The following EBI3 variants were observed in gnomAD, a reference collection of about 807,000 sequenced individuals.
EBI3 encodes interleukin-27 subunit beta.
In EBI3, 19 loss-of-function variants were observed where a neutral mutation model predicts 21.3. The observed-to-expected ratio is 0.89, with a 90% CI of 0.62 to 1.31. The LOEUF is 1.31. Ranked by LOEUF, EBI3 falls within the 50% of genes most tolerant of loss-of-function variation. The probability of loss-of-function intolerance (pLI) is 0.00; values close to 1 mark genes in which losing one functional copy is unlikely to be tolerated. For synonymous variants in EBI3, 154 were observed against 131.2 expected, an observed-to-expected ratio of 1.17 and a Z score of -1.19; for missense variants, 331 against 314.0, an observed-to-expected ratio of 1.05 and a Z score of -0.41.
In EBI3 at chr19:4,233,197, C is replaced by T. The variant is rs777057107; in HGVS notation, c.269C>T (p.Thr90Ile). 3.7e-6 allele frequency: 6 copies of T among 1,612,074 alleles called. No homozygotes were observed. The highest frequency in any genetic ancestry group is 4.2e-6 in the Non-Finnish European group (5 of 1,179,898). ...LQQTPTSTSC[T>I]ITDVQLFSMA... ...CAGACGCCAACGTCCACCAGCTGCA[C>T]CATCACGGATGTCCAGCTGTTCTCC... The change falls in exon 3 of 5, where the codon ACC becomes ATC. Residue 90 changes from threonine to isoleucine, a missense_variant. Coordinates refer to ENST00000221847, the MANE Select transcript of EBI3 (RefSeq NM_005755.3).
chr19:4,229,748 TTGTACAGA>T, intron 1 of EBI3, 131 bp downstream of exon 1: 1 of 929,190 alleles, frequency 1.1e-6, no homozygotes, highest in South Asian at 1.7e-5. Flanking sequence ...TACCCTCCCA[TTGTACAGA>T]TGGAGGAACT....
chr19:4,234,838 G>T lies in EBI3; in HGVS notation c.537+14G>T. ...CGCTTCCACCGGGTGAGGAGGATGA[G>T]GGGGAGGCTGGAAAGGGTGGTGCCT... On this transcript the variant is annotated intron_variant, in intron 4 of 4. Transcript: ENST00000221847. 1 of 1,612,312 alleles carries T rather than the reference G, an allele frequency of 6.2e-7. No homozygotes were observed.
At position 4,236,945 on chromosome 19, in the gene EBI3, A is replaced by G; in HGVS notation, c.547A>G (p.Ile183Val). The change falls in exon 5 of 5, where the codon ATT (isoleucine) becomes GTT (valine). Residue 183 changes from isoleucine (I) to valine (V), a missense_variant. Physicochemically the swap from Ile to Val is conservative, Grantham distance 29. Transcript: ENST00000221847. ...CTCTCTCTTCTCTCAGGTGGGGCCC[A>G]TTGAAGCCACGTCCTTCATCCTCAG... Reference protein sequence around the residue: ...GAARFHRVGPIEATSFILRAV... With the variant: ...GAARFHRVGPVEATSFILRAV... 2.0e-6 allele frequency: 3 copies of G among 1,505,352 alleles called. No homozygotes were observed. Among genetic ancestry groups the G allele is most frequent in the Non-Finnish European group, 2.7e-6 (3 of 1,122,854 alleles). 93.2% of individuals were successfully genotyped at this position (1,505,352 alleles called of 1,614,324 possible). A position where few individuals can be genotyped will look rare whatever the true frequency, so the allele number is the denominator to read the frequency against.
At chr19:4,235,583 T>C (rs943262776) in intron 4 of EBI3, among the ~76,000 whole-genome samples, 4 of 152,182 alleles carry the variant, frequency 2.6e-5, no homozygotes, top group Non-Finnish European at 5.9e-5. Flanking sequence ...TCCCAAAGTG[T>C]TGGGACTACA....
chr19:4,233,012 A>C, intron 2 of EBI3, 117 bp from the exon 3 acceptor site: 1 of 1,234,410 alleles, frequency 8.1e-7, no homozygotes, highest in Non-Finnish European at 1.1e-6. Context: ...CGGGATCCCC[A>C]TCCGCTGCCC....
intron 1 of EBI3, among the ~76,000 whole-genome samples, chr19:4,230,549 G>C (rs2144673951): frequency 6.6e-6 from 1 of 151,974 alleles, no homozygotes; most frequent in Non-Finnish European, 1.5e-5. Context: ...TCCAGCCTAG[G>C]TGACAGAGTG....
intron 1 of EBI3, among the ~76,000 whole-genome samples, chr19:4,230,277 G>T (rs897646178): frequency 6.6e-6 from 1 of 152,152 alleles, no homozygotes; most frequent in South Asian, 2.1e-4. Flanking sequence ...AAGACAAAAT[G>T]GTTACAGCAG....
At chr19:4,233,873 C>T (rs1453396412) in intron 3 of EBI3, among the ~76,000 whole-genome samples, 1 of 152,184 alleles carries the variant, frequency 6.6e-6, no homozygotes, top group Non-Finnish European at 1.5e-5. Flanking sequence ...GCATACATCA[C>T]CTCCTCAGTA....
At chr19:4,231,974 C>T (rs1369194919) in intron 2 of EBI3, among the ~76,000 whole-genome samples, 1 of 151,638 alleles carries the variant, frequency 6.6e-6, no homozygotes, top group Non-Finnish European at 1.5e-5. Flanking sequence ...CGCCTGTAAT[C>T]CCAGCACTTT....
At chr19:4,234,893 G>A (rs1970823681) in intron 4 of EBI3, 69 bp downstream of exon 4, 2 of 1,584,854 alleles carry the variant, frequency 1.3e-6, no homozygotes, top group East Asian at 2.2e-5. Context: ...ACCAAGACTA[G>A]CAGGTGTGCT....
At position 4,234,714 on chromosome 19, in the gene EBI3, C is replaced by T. The variant is rs747225878; in HGVS notation, c.427C>T (p.Arg143Cys). 5.0e-6 allele frequency: 8 copies of T among 1,614,146 alleles called. No individual in the cohort carries two copies. Among genetic ancestry groups the T allele is most frequent in the South Asian group, 1.1e-5 (1 of 91,084 alleles). ...EGVRLSPLAE[R>C]QLQVQWEPPG... The stretch of plus-strand genomic sequence containing the variant: ...CGTGCGCCTAAGCCCCCTCGCTGAG[C>T]GCCAGCTACAGGTGCAGTGGGAGCC... Residue 143 changes from arginine (R) to cysteine (C), a missense_variant, in exon 4 of 5, where the codon CGC (arginine) becomes TGC (cysteine). Transcript: ENST00000221847.
rs1278276869 is a variant in EBI3, at chr19:4,233,193, T to C, written c.265T>C (p.Cys89Arg). ...GCAGCAGACGCCAACGTCCACCAGC[T>C]GCACCATCACGGATGTCCAGCTGTT... ...CLQQTPTSTSCTITDVQLFSM... is the reference protein window; with the variant it reads ...CLQQTPTSTSRTITDVQLFSM... Residue 89 changes from cysteine (C) to arginine (R), a missense_variant, in exon 3 of 5, where the codon TGC (cysteine) becomes CGC (arginine). Cys to Arg is a radical substitution (Grantham distance 180). Transcript: ENST00000221847. The C allele has an allele frequency of 1.9e-6, 3 of 1,611,774 alleles. No homozygotes were observed.
intron 2 of EBI3, 25 bp from the exon 3 acceptor site, chr19:4,233,104 G>C: frequency 6.5e-7 from 1 of 1,543,822 alleles, no homozygotes; most frequent in Non-Finnish European, 8.7e-7. Flanking sequence ...TCCCTGAGGC[G>C]CTCAGCGAGC....
intron 4 of EBI3, among the ~76,000 whole-genome samples, chr19:4,236,647 C>A (rs1970841011): frequency 6.6e-6 from 1 of 150,590 alleles, no homozygotes; most frequent in South Asian, 2.1e-4. Context: ...TTATAGGGAT[C>A]AGGGATGTCC....
intron 2 of EBI3, among the ~76,000 whole-genome samples, chr19:4,232,787 TGAAGGAATGAATTAATGAATGAA>T (rs1568355538): frequency 2.2e-5 from 3 of 134,444 alleles, no homozygotes; most frequent in African/African-American, 1.1e-4. Context: ...AATGAATGAA[TGAAGGAATGAATTAATGAATGAA>T]TGAACGGATG....
chr19:4,233,235 G>A lies in EBI3; in HGVS notation c.307G>A (p.Val103Met), dbSNP rs528605740. ...CCAGCTGTTCTCCATGGCTCCCTAC[G>A]TGCTCAATGTCACCGCCGTCCACCC... The part of the protein sequence containing the change: ...DVQLFSMAPY[V>M]LNVTAVHPWG... The change falls in exon 3 of 5, where the codon GTG (valine) becomes ATG (methionine). Residue 103 changes from valine to methionine, a missense_variant. Transcript: ENST00000221847. 4 of 1,612,030 alleles carry A rather than the reference G, an allele frequency of 2.5e-6. No homozygotes were observed. The highest frequency in any genetic ancestry group is 2.2e-5 in the East Asian group (1 of 44,748).
rs201528061 is a variant in EBI3 at position 4,233,331 on chromosome 19, C to T, written c.379+24C>T. The T allele has an allele frequency of 2.1e-3, 1,043 of 493,116 alleles. 8 individuals carry two copies. The highest frequency in any genetic ancestry group is 0.014 in the African/African-American group (670 of 49,014). 30.5% of individuals were successfully genotyped at this position (493,116 alleles called of 1,614,324 possible). On this transcript the variant is annotated intron_variant, in intron 3 of 4. Coordinates refer to ENST00000221847, the MANE Select transcript of EBI3 (RefSeq NM_005755.3). Reference sequence around the variant, plus strand: ...CAGTGAGTGGGGGCGGCAGTGGGGGCGGGGGCGGGGCTGCCGTCTCCTTCC... The same window carrying T: ...CAGTGAGTGGGGGCGGCAGTGGGGGTGGGGGCGGGGCTGCCGTCTCCTTCC...
rs570696642 is a variant in EBI3 at position 4,230,825 on chromosome 19, C to T, written c.68-366C>T. On this transcript the variant is annotated intron_variant, in intron 1 of 4. Transcript: ENST00000221847. ...CCGGGAGGCGGGGGTGGCAGTGAGC[C>T]GAGATCTCGCCACTGCACTCCAGCC... Among the ~76,000 whole-genome samples, 12 of 151,388 alleles carry T rather than the reference C, an allele frequency of 7.9e-5. No homozygotes were observed. In the South Asian group the frequency reaches 1.0e-3, roughly 13 times the overall value.
In EBI3 at chr19:4,237,076, C is replaced by T; in HGVS notation, c.678C>T (p.Ser226=). Residue 226 remains serine (S), a synonymous_variant, in exon 5 of 5, where the codon AGC becomes AGT. Coordinates refer to ENST00000221847, the MANE Select transcript of EBI3 (RefSeq NM_005755.3). ...DWSLPATATM[S]LGK ...GTCTCCCCGCCACTGCCACAATGAG[C>T]CTGGGCAAGTAGCAAGGGCTTCCCG... is the stretch of plus-strand genomic sequence containing the variant. 2 of 1,534,074 alleles carry T rather than the reference C, an allele frequency of 1.3e-6. No homozygotes were observed. Among genetic ancestry groups the T allele is most frequent in the Non-Finnish European group, 1.8e-6 (2 of 1,135,684 alleles).
Sources: allele counts gnomAD v4.1 joint callset (sites outside exome capture counted in the v4.1 genomes callset), GRCh38; gene constraint gnomAD v4.1.1; transcripts MANE v1.5; gene names NCBI Gene and HGNC (gene_info 2026-07-23, HGNC 2026-07-21).